IRAG1: variants seen among roughly 807,000 people sequenced by gnomAD.
IRAG1 encodes the protein inositol 1,4,5-triphosphate receptor associated 1.
Under a neutral mutation model 106.2 loss-of-function variants are expected in IRAG1, and 62 were observed. The observed-to-expected ratio is 0.58, with a 90% CI of 0.48 to 0.72. The LOEUF is 0.72. Among genes scored for constraint, IRAG1 ranks in the 30% least tolerant of loss-of-function variants. The pLI, the probability that IRAG1 is intolerant of heterozygous loss-of-function variation, is 0.00. For missense variants in IRAG1, 1,064 were observed against 1,140.7 expected (o/e 0.93, Z 0.97); for synonymous variants, 462 against 443.9 (o/e 1.04, Z -0.51).
chr11:10,628,388 G>A lies in IRAG1; in HGVS notation c.652+363C>T, dbSNP rs1047991776. Among the ~76,000 whole-genome samples the A allele has an allele frequency of 4.6e-5, 7 of 152,176 alleles. No individual in the cohort carries two copies. The highest frequency in any genetic ancestry group is 1.7e-4 in the African/African-American group (7 of 41,436). ...GCTGGAGGGTGTGACTCTGGGTACA[G>A]CCTAATGAAAGGGAAGAAGTCAGAC... On this transcript the variant is annotated intron_variant, in intron 6 of 20. Transcript: ENST00000423302. This position sits in a 1 kb window ranked among gnomAD's most constrained non-coding sequence, Gnocchi z 4.1.
chr11:10,632,044 T>C lies in IRAG1; in HGVS notation c.347A>G (p.Lys116Arg), dbSNP rs200745599. 4.2e-4 allele frequency: 679 copies of C among 1,613,842 alleles called. No homozygotes were observed. In the African/African-American group the frequency reaches 8.2e-3, roughly 20 times the overall value. The change falls in exon 4 of 21, where the codon AAG (lysine) becomes AGG (arginine). Residue 116 changes from lysine to arginine, a missense_variant. By Grantham distance (26) the Lys-to-Arg change is conservative (BLOSUM62 2). Coordinates refer to ENST00000423302, the MANE Select transcript of IRAG1 (RefSeq NM_130385.4). The part of the protein sequence containing the change: ...NLANRVHSPH[K>R]RLSHRHLKVS... ...CTTCAAGTGTCGGTGAGAAAGCCTC[T>C]TGTGGGGACTGTGAACTCTGAAAGA...
At chr11:10,677,640 T>A (rs1860794645) in intron 1 of IRAG1, among the ~76,000 whole-genome samples, 1 of 152,216 alleles carries the variant, frequency 6.6e-6, no homozygotes, top group Non-Finnish European at 1.5e-5. Context: ...ACATATGATG[T>A]ATCATTTTAA....
At chr11:10,626,731 G>T in intron 8 of IRAG1, 148 bp from the exon 9 acceptor site, 1 of 942,810 alleles carries the variant, frequency 1.1e-6, no homozygotes, top group Non-Finnish European at 1.5e-6. Context: ...TGGACGATGT[G>T]GAAGGAGAGG....
chr11:10,594,090 T>C (rs994484087), intron 16 of IRAG1, 56 bp downstream of exon 16: 2 of 1,487,600 alleles, frequency 1.3e-6, no homozygotes, highest in African/African-American at 1.4e-5. Flanking sequence ...TGGGTGACCA[T>C]GGAAACTTCT....
At position 10,575,015 on chromosome 11, in the gene IRAG1, C is replaced by T. The variant is rs1386969712; in HGVS notation, c.*1317G>A. On this transcript the variant is annotated 3_prime_UTR_variant, in exon 21 of 21. Transcript: ENST00000423302. ...GTAATACTGAGAACAGTGCTTGGCTCATAGTAAGTCGTATATGAGTTTTAG... is the reference window on the plus strand; with the variant it reads ...GTAATACTGAGAACAGTGCTTGGCTTATAGTAAGTCGTATATGAGTTTTAG... The T allele has an allele frequency of 6.6e-6, 1 of 152,050 alleles. No individual in the cohort carries two copies. Among genetic ancestry groups the T allele is most frequent in the Non-Finnish European group, 1.5e-5 (1 of 68,028 alleles). 9.4% of individuals were successfully genotyped at this position (152,050 alleles called of 1,614,324 possible). A position where few individuals can be genotyped will look rare whatever the true frequency, so the allele number is the denominator to read the frequency against.
chr11:10,613,216 T>C (rs1006710102), intron 10 of IRAG1, among the ~76,000 whole-genome samples: 7 of 151,136 alleles, frequency 4.6e-5, no homozygotes, highest in African/African-American at 1.7e-4. Context: ...ACCCTTCAGG[T>C]TGACAGACCG....
intron 18 of IRAG1, among the ~76,000 whole-genome samples, chr11:10,586,892 T>C (rs1852068700): frequency 6.6e-6 from 1 of 152,224 alleles, no homozygotes; most frequent in African/African-American, 2.4e-5. Context: ...TCAAGTTGCA[T>C]CGGTTTCACT....
intron 18 of IRAG1, among the ~76,000 whole-genome samples, chr11:10,587,876 G>A (rs1028438406): frequency 1.3e-5 from 2 of 152,170 alleles, no homozygotes; most frequent in African/African-American, 4.8e-5. Context: ...AAGGGTAAGG[G>A]CATGTGCTCT....
At position 10,594,175 on chromosome 11, in the gene IRAG1, C is replaced by T; in HGVS notation, c.2038G>A (p.Ala680Thr). The T allele has an allele frequency of 6.2e-7, 1 of 1,610,134 alleles. No individual in the cohort carries two copies. ...CCCAGCGTGAGGGACATGGACCGTGCCGTGCGAGGGACCCCATCTTCTGCA... is the reference window on the plus strand; with the variant it reads ...CCCAGCGTGAGGGACATGGACCGTGTCGTGCGAGGGACCCCATCTTCTGCA... ...GPSEDGVPRT[A>T]RSMSLTLGKN... Residue 680 changes from alanine (A) to threonine (T), a missense_variant, in exon 16 of 21, where the codon GCA becomes ACA. Ala to Thr is a moderately conservative substitution (Grantham distance 58). Coordinates refer to ENST00000423302, the MANE Select transcript of IRAG1 (RefSeq NM_130385.4).
intron 1 of IRAG1, among the ~76,000 whole-genome samples, chr11:10,681,914 T>A (rs571384959): frequency 6.6e-6 from 1 of 152,340 alleles, no homozygotes; most frequent in East Asian, 1.9e-4. Context: ...TAACCCTTTT[T>A]GAAATCTTAT....
intron 9 of IRAG1, among the ~76,000 whole-genome samples, chr11:10,625,449 T>C (rs2134562140): frequency 6.6e-6 from 1 of 152,318 alleles, no homozygotes; most frequent in South Asian, 2.1e-4. Context: ...CCATGGGCAC[T>C]GGAAGAAACT....
chr11:10,606,143 G>C (rs952664618), intron 12 of IRAG1, among the ~76,000 whole-genome samples: 1 of 152,156 alleles, frequency 6.6e-6, no homozygotes, highest in African/African-American at 2.4e-5. Context: ...CTGCTTATCT[G>C]GTCCACATCA....
intron 3 of IRAG1, 134 bp from the exon 4 acceptor site, chr11:10,632,195 T>C: frequency 3.0e-6 from 2 of 665,876 alleles, no homozygotes; most frequent in Non-Finnish European, 5.0e-6. Flanking sequence ...TCTTTCTTTT[T>C]TTTTTTTTTT....
At position 10,592,467 on chromosome 11, in the gene IRAG1, C is replaced by T. The variant is rs371016000; in HGVS notation, c.2176-855G>A. 1.4e-4 allele frequency among the ~76,000 whole-genome samples: 21 copies of T among 152,200 alleles called. No individual in the cohort carries two copies. The East Asian group carries it at 2.9e-3, about 21-fold the overall frequency. On this transcript the variant is annotated intron_variant, in intron 17 of 20. Coordinates refer to ENST00000423302, the MANE Select transcript of IRAG1 (RefSeq NM_130385.4). Reference sequence around the variant, plus strand: ...TGGGAATTTAGGTTGATTTCATAGACGACTGAAATGCTTGAGGCAGGAAGC... The same window carrying T: ...TGGGAATTTAGGTTGATTTCATAGATGACTGAAATGCTTGAGGCAGGAAGC...
chr11:10,686,211 C>A (rs1466716646), intron 1 of IRAG1, among the ~76,000 whole-genome samples: 9 of 152,112 alleles, frequency 5.9e-5, no homozygotes, highest in African/African-American at 2.2e-4. Context: ...ATCTAGCAAT[C>A]CATTTCATAG....
At chr11:10,658,048 G>T (rs896982744) in intron 1 of IRAG1, among the ~76,000 whole-genome samples, 1 of 152,220 alleles carries the variant, frequency 6.6e-6, no homozygotes, top group African/African-American at 2.4e-5. Context: ...GCGTCCTTCG[G>T]CAGTGACTCG....
intron 2 of IRAG1, among the ~76,000 whole-genome samples, chr11:10,643,707 A>G (rs191558000): frequency 4.3e-4 from 66 of 151,872 alleles, no homozygotes; most frequent in Non-Finnish European, 7.5e-4. Flanking sequence ...TCACAACACA[A>G]TCAAGCATCC....
chr11:10,691,695 C>T (rs1314419755), intron 1 of IRAG1, among the ~76,000 whole-genome samples: 1 of 116,312 alleles, frequency 8.6e-6, no homozygotes, highest in African/African-American at 3.3e-5. Context: ...AAGATACATC[C>T]CCCATGGCAT....
chr11:10,650,368 G>T (rs1449477733), intron 2 of IRAG1, among the ~76,000 whole-genome samples: 1 of 152,222 alleles, frequency 6.6e-6, no homozygotes, highest in African/African-American at 2.4e-5. Context: ...CAGCAGGGGT[G>T]CATCTTTGCT....
Sources: allele counts gnomAD v4.1 joint callset (sites outside exome capture counted in the v4.1 genomes callset), GRCh38; gene constraint gnomAD v4.1.1; non-coding constraint Gnocchi (gnomAD v3.1); transcripts MANE v1.5; gene names NCBI Gene and HGNC (gene_info 2026-07-23, HGNC 2026-07-21).